RYR2: variants seen among roughly 807,000 people sequenced by gnomAD.
RYR2 encodes the protein cardiac muscle ryanodine receptor-calcium release channel.
In RYR2, 227 loss-of-function variants were observed where a neutral mutation model predicts 601.1. That is an observed-to-expected ratio of 0.38 (90% confidence interval 0.34 to 0.42). The LOEUF is 0.42. Among genes scored for constraint, RYR2 ranks in the 10% least tolerant of loss-of-function variants. The probability of loss-of-function intolerance (pLI) is 1.00; values close to 1 mark genes in which losing one functional copy is unlikely to be tolerated. For synonymous variants in RYR2, 2,223 were observed against 2,175.1 expected, an observed-to-expected ratio of 1.02 and a Z score of -0.61; for missense variants, 4,646 against 6,156.5, an observed-to-expected ratio of 0.75 and a Z score of 8.21.
intron 3 of RYR2, among the ~76,000 whole-genome samples, chr1:237,348,387 A>C (rs2149655585): frequency 1.3e-5 from 2 of 152,254 alleles, no homozygotes; most frequent in South Asian, 4.1e-4. Flanking sequence ...CAATACTAAT[A>C]ATGTCTCATG....
At chr1:237,148,551 TATAC>T (rs1306532084) in intron 1 of RYR2, among the ~76,000 whole-genome samples, 17 of 126,436 alleles carry the variant, frequency 1.3e-4, no homozygotes, top group African/African-American at 3.8e-4. Context: ...TATATATATA[TATAC>T]ACACACACAT....
At chr1:237,507,486 T>C (rs1665390321) in intron 23 of RYR2, among the ~76,000 whole-genome samples, 2 of 152,238 alleles carry the variant, frequency 1.3e-5, no homozygotes, top group African/African-American at 4.8e-5. Context: ...GCCATAACAC[T>C]TTCTTATACC....
chr1:237,427,735 AT>A (rs1302249087), intron 12 of RYR2, among the ~76,000 whole-genome samples: 2 of 134,982 alleles, frequency 1.5e-5, no homozygotes, highest in African/African-American at 5.7e-5. Flanking sequence ...GTGAGCCTAA[AT>A]TGTGCCACTG....
chr1:237,518,061 T>G (rs2147832919), intron 24 of RYR2, among the ~76,000 whole-genome samples: 1 of 152,314 alleles, frequency 6.6e-6, no homozygotes, highest in Non-Finnish European at 1.5e-5. Flanking sequence ...CATGGCTTTC[T>G]ATTGATATGT....
chr1:237,365,688 G>A (rs769635615), intron 5 of RYR2, among the ~76,000 whole-genome samples: 4 of 152,174 alleles, frequency 2.6e-5, no homozygotes, highest in Non-Finnish European at 5.9e-5. Flanking sequence ...AGAAAATTTA[G>A]TTTTTCCTGC....
At position 237,388,197 on chromosome 1, in the gene RYR2, C is replaced by G. The variant is rs1196787801; in HGVS notation, c.773+14C>G. On this transcript the variant is annotated intron_variant, in intron 10 of 104. Coordinates refer to ENST00000366574, the MANE Select transcript of RYR2 (RefSeq NM_001035.3). ...AGAGCAGCGGAGGTTAGTACCTGAG[C>G]TCATTGCATTGAGACTTGCACTCTT... 6.2e-7 allele frequency: 1 copy of G among 1,605,544 alleles called. No individual in the cohort carries two copies.
At chr1:237,669,189 G>A (rs1198289670) in intron 58 of RYR2, among the ~76,000 whole-genome samples, 1 of 145,338 alleles carries the variant, frequency 6.9e-6, no homozygotes, top group Non-Finnish European at 1.5e-5. Context: ...GCACAGGGTT[G>A]GGGGTAAGGT....
intron 1 of RYR2, among the ~76,000 whole-genome samples, chr1:237,132,823 C>G (rs558390799): frequency 8.6e-5 from 13 of 152,044 alleles, no homozygotes; most frequent in African/African-American, 3.1e-4. Flanking sequence ...GGGAAAATGT[C>G]GAAGTGTTAA....
intron 101 of RYR2, among the ~76,000 whole-genome samples, chr1:237,821,785 T>A (rs2790350): frequency 0.26 from 39,766 of 151,298 alleles, 5,650 homozygotes; most frequent in East Asian, 0.61. Context: ...TGAAAAAAAG[T>A]TAGATGAATT....
At chr1:237,714,846 T>C (rs1049613528) in intron 71 of RYR2, among the ~76,000 whole-genome samples, 3 of 151,188 alleles carry the variant, frequency 2.0e-5, no homozygotes, top group African/African-American at 7.3e-5. Flanking sequence ...AAAAAAAAAT[T>C]AGCCAGGCGT....
chr1:237,580,647 C>T (rs1221938527), intron 29 of RYR2, among the ~76,000 whole-genome samples: 3 of 152,246 alleles, frequency 2.0e-5, no homozygotes, highest in African/African-American at 7.2e-5. Context: ...ACCGTGTCTC[C>T]ATTCTACCTG....
intron 1 of RYR2, among the ~76,000 whole-genome samples, chr1:237,069,763 A>G (rs1242310732): frequency 1.3e-5 from 2 of 152,160 alleles, no homozygotes; most frequent in East Asian, 3.8e-4. Flanking sequence ...AAGCTACTCC[A>G]GCTTATTTTT....
In RYR2 at chr1:237,550,529, T is replaced by C. The variant is rs185110433; in HGVS notation, c.3067-15T>C. The stretch of plus-strand genomic sequence containing the variant: ...TGGTATTGCTTTGACGGCTGCACCC[T>C]GTGTTTTCCTGCAGGACGTAAAGAA... On this transcript the variant is annotated splice_polypyrimidine_tract_variant and intron_variant, in intron 26 of 104. Coordinates refer to ENST00000366574, the MANE Select transcript of RYR2 (RefSeq NM_001035.3). The C allele has an allele frequency of 5.4e-5, 86 of 1,606,514 alleles. No homozygotes were observed. The Admixed American group carries it at 1.4e-3, about 27-fold the overall frequency.
chr1:237,671,898 G>T (rs72751256), intron 58 of RYR2, among the ~76,000 whole-genome samples: 159 of 152,212 alleles, frequency 1.0e-3, no homozygotes, highest in Non-Finnish European at 1.8e-3. Context: ...GTCATCTGTT[G>T]TTAAGCCACA....
At chr1:237,394,901 A>G (rs1329642653) in intron 10 of RYR2, among the ~76,000 whole-genome samples, 1 of 152,174 alleles carries the variant, frequency 6.6e-6, no homozygotes, top group African/African-American at 2.4e-5. Context: ...GAAACTTACA[A>G]TCATGGCAGA....
chr1:237,427,406 C>G (rs1170576301), intron 12 of RYR2, among the ~76,000 whole-genome samples: 1 of 152,092 alleles, frequency 6.6e-6, no homozygotes, highest in Non-Finnish European at 1.5e-5. Flanking sequence ...TTTGGGCATG[C>G]AGCATAAATT....
intron 98 of RYR2, among the ~76,000 whole-genome samples, chr1:237,805,234 A>G (rs967570614): frequency 6.6e-6 from 1 of 152,180 alleles, no homozygotes; most frequent in Non-Finnish European, 1.5e-5. Context: ...GAACAAATTA[A>G]GTAAAAATAA....
At chr1:237,093,987 A>C (rs138414861) in intron 1 of RYR2, among the ~76,000 whole-genome samples, 2 of 152,190 alleles carry the variant, frequency 1.3e-5, no homozygotes, top group Non-Finnish European at 2.9e-5. Flanking sequence ...AACCCTAGGC[A>C]GTGGCGACAG....
At chr1:237,734,056 T>C (rs1044857453) in intron 79 of RYR2, among the ~76,000 whole-genome samples, 1 of 152,216 alleles carries the variant, frequency 6.6e-6, no homozygotes, top group Non-Finnish European at 1.5e-5. Context: ...TGGAGTTTTT[T>C]GTCTGATGGG....
Sources: gnomAD v4.1 joint callset for allele counts (sites outside exome capture counted in the v4.1 genomes callset) on GRCh38, gnomAD v4.1.1 for gene constraint, MANE v1.5 for transcripts, NCBI Gene and HGNC (gene_info 2026-07-23, HGNC 2026-07-21) for gene names.